The following CSMD1 variants were observed in gnomAD, a reference collection of about 807,000 sequenced individuals.
The protein encoded by CSMD1 is CUB and sushi domain-containing protein 1.
In CSMD1, 213 loss-of-function variants were observed where a neutral mutation model predicts 417.5. The observed-to-expected ratio is 0.51, with a 90% CI of 0.46 to 0.57. CSMD1 has a LOEUF of 0.57. Ranked by LOEUF, CSMD1 falls within the 20% of genes least tolerant of loss-of-function variation. The probability of loss-of-function intolerance (pLI) is 0.00; values close to 1 mark genes in which losing one functional copy is unlikely to be tolerated. For missense variants in CSMD1, 6,923 were observed against 4,529.7 expected (o/e 1.53, Z -15.17); for synonymous variants, 2,862 against 1,736.8 (o/e 1.65, Z -16.11).
intron 3 of CSMD1, among the ~76,000 whole-genome samples, chr8:4,351,798 C>T (rs967583229): frequency 2.0e-5 from 3 of 152,100 alleles, no homozygotes; most frequent in Middle Eastern, 3.2e-3. Context: ...ACTTGGAATC[C>T]AGCATCTCAA....
At chr8:3,108,103 G>A (rs1446320098) in intron 44 of CSMD1, among the ~76,000 whole-genome samples, 1 of 152,166 alleles carries the variant, frequency 6.6e-6, no homozygotes, top group African/African-American at 2.4e-5. Context: ...GTCACAACCT[G>A]GCTCCCTGTC....
chr8:4,049,639 A>G (rs1412888375), intron 3 of CSMD1, among the ~76,000 whole-genome samples: 2 of 152,128 alleles, frequency 1.3e-5, no homozygotes, highest in African/African-American at 2.4e-5. Context: ...TGCATAAAAT[A>G]ACATTATATT....
At chr8:4,526,666 CT>C (rs1796528738) in intron 2 of CSMD1, among the ~76,000 whole-genome samples, 1 of 152,094 alleles carries the variant, frequency 6.6e-6, no homozygotes. Context: ...GCAAAATATC[CT>C]AGAAGTATTA....
At chr8:4,780,423 G>T (rs1303048212) in intron 1 of CSMD1, among the ~76,000 whole-genome samples, 1 of 152,096 alleles carries the variant, frequency 6.6e-6, no homozygotes, top group South Asian at 2.1e-4. Context: ...CGATCTGTCT[G>T]TCTGTCTGTC....
intron 1 of CSMD1, among the ~76,000 whole-genome samples, chr8:4,813,717 G>A (rs1185031911): frequency 6.6e-6 from 1 of 152,164 alleles, no homozygotes; most frequent in East Asian, 1.9e-4. Context: ...ATTCAAGATG[G>A]AAACAGGATA....
chr8:4,484,500 T>C (rs1291213694), intron 2 of CSMD1, among the ~76,000 whole-genome samples: 1 of 151,982 alleles, frequency 6.6e-6, no homozygotes, highest in African/African-American at 2.4e-5. Context: ...GAACAGGGGA[T>C]CTTAAGCAAG....
At chr8:4,378,110 A>C (rs1464164300) in intron 3 of CSMD1, among the ~76,000 whole-genome samples, 1 of 152,180 alleles carries the variant, frequency 6.6e-6, no homozygotes, top group Non-Finnish European at 1.5e-5. Flanking sequence ...ACAGAAGCCA[A>C]ATTTTACGGG....
intron 46 of CSMD1, among the ~76,000 whole-genome samples, chr8:3,100,866 G>C (rs890210180): frequency 1.8e-4 from 27 of 152,052 alleles, no homozygotes; most frequent in African/African-American, 6.5e-4. Context: ...AATTGGAGAA[G>C]GTGAGCCCTC....
chr8:4,220,787 TA>T (rs1800983923), intron 3 of CSMD1, among the ~76,000 whole-genome samples: 1 of 152,188 alleles, frequency 6.6e-6, no homozygotes, highest in Non-Finnish European at 1.5e-5. Context: ...AAGAAATCCT[TA>T]TAACGCACCG....
At chr8:3,988,197 G>A (rs1814481388) in intron 5 of CSMD1, among the ~76,000 whole-genome samples, 1 of 152,096 alleles carries the variant, frequency 6.6e-6, no homozygotes. Flanking sequence ...GTAAGACCCT[G>A]GTGAGTCTGT....
chr8:4,530,461 A>C (rs150656227), intron 2 of CSMD1, among the ~76,000 whole-genome samples: 1 of 150,790 alleles, frequency 6.6e-6, no homozygotes, highest in South Asian at 2.1e-4. Flanking sequence ...CCCCACATGC[A>C]TTAGGTATTT....
intron 23 of CSMD1, among the ~76,000 whole-genome samples, chr8:3,333,334 C>A (rs1484788799): frequency 2.6e-5 from 4 of 151,766 alleles, no homozygotes; most frequent in Admixed American, 2.6e-4. Context: ...TGTTACAGAG[C>A]AATAGAAAAC....
chr8:3,519,228 T>G (rs1240203075), intron 10 of CSMD1, among the ~76,000 whole-genome samples: 1 of 152,242 alleles, frequency 6.6e-6, no homozygotes, highest in Non-Finnish European at 1.5e-5. Flanking sequence ...ACACTTTTTC[T>G]TTCCCTGCAT....
At chr8:4,269,247 A>G (rs779115) in intron 3 of CSMD1, among the ~76,000 whole-genome samples, 72,996 of 151,782 alleles carry the variant, frequency 0.48, 18,136 homozygotes, top group East Asian at 0.79. Context: ...AGCAGAGATG[A>G]GGTTTCACCA....
intron 1 of CSMD1, among the ~76,000 whole-genome samples, chr8:4,744,010 G>A (rs1237210507): frequency 3.3e-5 from 5 of 152,190 alleles, no homozygotes; most frequent in Admixed American, 3.3e-4. Flanking sequence ...ACGCTCTAGA[G>A]CCTGCATCCA....
At chr8:3,277,580 C>A (rs1358074302) in intron 26 of CSMD1, among the ~76,000 whole-genome samples, 4 of 152,118 alleles carry the variant, frequency 2.6e-5, no homozygotes, top group African/African-American at 9.7e-5. Context: ...ACAGCCTGAG[C>A]CACTGGCAGG....
intron 3 of CSMD1, among the ~76,000 whole-genome samples, chr8:4,371,516 C>A (rs1802395656): frequency 6.6e-6 from 1 of 152,074 alleles, no homozygotes; most frequent in Admixed American, 6.5e-5. Flanking sequence ...GGGATATTCC[C>A]TTATGCAAAG....
At chr8:3,346,729 G>A (rs1229607404) in intron 22 of CSMD1, among the ~76,000 whole-genome samples, 3 of 152,238 alleles carry the variant, frequency 2.0e-5, no homozygotes, top group African/African-American at 7.2e-5. Context: ...AGGACACACA[G>A]TGTTTTCCCT....
rs909136253 is a variant in CSMD1 at position 4,005,959 on chromosome 8, A to G, written c.611-7849T>C. 4.6e-5 allele frequency among the ~76,000 whole-genome samples: 7 copies of G among 152,318 alleles called. No homozygotes were observed. The East Asian group carries it at 9.7e-4, about 21-fold the overall frequency. ...TTATGTTAATTAATTTATTCATTCA[A>G]TACATACGAAAACTAATTCTCTACT... On this transcript the variant is annotated intron_variant, in intron 4 of 69. Transcript: ENST00000635120.
Sources: gnomAD v4.1 joint callset for allele counts (sites outside exome capture counted in the v4.1 genomes callset) on GRCh38, gnomAD v4.1.1 for gene constraint, MANE v1.5 for transcripts, NCBI Gene and HGNC (gene_info 2026-07-23, HGNC 2026-07-21) for gene names.